OXR1: variants seen among roughly 807,000 people sequenced by gnomAD.
OXR1 encodes oxidation resistance protein 1.
In OXR1, 41 loss-of-function variants were observed where a neutral mutation model predicts 104.6. The observed-to-expected ratio is 0.39, with a 90% CI of 0.31 to 0.51. The LOEUF (loss-of-function observed/expected upper bound fraction) is 0.51, where lower values mean the gene tolerates loss of function less well. OXR1 is among the 20% of genes least tolerant of loss of function. OXR1 has a pLI of 0.77. For missense variants in OXR1, 955 were observed against 1,031.9 expected (o/e 0.93, Z 1.02); for synonymous variants, 348 against 348.4 (o/e 1.00, Z 0.01).
At chr8:106,321,107 A>G (rs529703069) in intron 1 of OXR1, among the ~76,000 whole-genome samples, 5 of 152,338 alleles carry the variant, frequency 3.3e-5, no homozygotes, top group Admixed American at 3.3e-4. Context: ...TTTCAAATCT[A>G]TTATAGGAAC....
At chr8:106,379,039 G>C (rs10090538) in intron 2 of OXR1, among the ~76,000 whole-genome samples, 1 of 152,100 alleles carries the variant, frequency 6.6e-6, no homozygotes, top group Non-Finnish European at 1.5e-5. Flanking sequence ...TAAGTTAGCC[G>C]TAATTATGAC....
At chr8:106,270,557 G>A (rs974226034) in intron 1 of OXR1, among the ~76,000 whole-genome samples, 190 bp downstream of exon 1, 1 of 152,162 alleles carries the variant, frequency 6.6e-6, no homozygotes, top group Non-Finnish European at 1.5e-5. Flanking sequence ...CGGGGACGAC[G>A]GGCAGAGCAG....
intron 1 of OXR1, among the ~76,000 whole-genome samples, chr8:106,310,662 G>A (rs1813663967): frequency 6.6e-6 from 1 of 152,170 alleles, no homozygotes; most frequent in African/African-American, 2.4e-5. Flanking sequence ...TCTCACATTT[G>A]ATTGATAGTA....
intron 2 of OXR1, among the ~76,000 whole-genome samples, chr8:106,388,381 T>C (rs1817461079): frequency 6.6e-6 from 1 of 152,150 alleles, no homozygotes; most frequent in Non-Finnish European, 1.5e-5. Context: ...AATACTGCTC[T>C]TATGCCATTT....
intron 3 of OXR1, among the ~76,000 whole-genome samples, chr8:106,550,765 A>G (rs1298119645): frequency 6.6e-6 from 1 of 152,100 alleles, no homozygotes; most frequent in East Asian, 1.9e-4. Context: ...GCCACATGGA[A>G]CTGTGAGTCA....
rs545013750 is a variant in OXR1 at position 106,532,017 on chromosome 8, T to G, written c.220+12878T>G. ...GGTAAACCTCAATTCAGTGGACAATTTTAAGAATGCTTACTCATTCATTTA... is the reference window on the plus strand; with the variant it reads ...GGTAAACCTCAATTCAGTGGACAATGTTAAGAATGCTTACTCATTCATTTA... On this transcript the variant is annotated intron_variant, in intron 3 of 16. Coordinates refer to ENST00000517566, the MANE Select transcript of OXR1 (RefSeq NM_001198533.2). 8.5e-4 allele frequency among the ~76,000 whole-genome samples: 129 copies of G among 152,314 alleles called. 1 individual carries two copies. The highest frequency in any genetic ancestry group is 3.0e-3 in the African/African-American group (123 of 41,566).
chr8:106,670,505 A>G (rs1826832253), intron 3 of OXR1, among the ~76,000 whole-genome samples: 1 of 152,208 alleles, frequency 6.6e-6, no homozygotes, highest in African/African-American at 2.4e-5. Context: ...TAGTTATCAG[A>G]TTTAAAATAG....
chr8:106,305,196 T>G (rs934010614), intron 1 of OXR1, among the ~76,000 whole-genome samples: 6 of 152,152 alleles, frequency 3.9e-5, no homozygotes, highest in Admixed American at 3.3e-4. Context: ...CAATGAATTG[T>G]ATTTTCATCA....
At chr8:106,285,999 G>T (rs1812486186) in intron 1 of OXR1, among the ~76,000 whole-genome samples, 1 of 146,246 alleles carries the variant, frequency 6.8e-6, no homozygotes. Context: ...GGTAGATGTG[G>T]GGCTAATGTG....
chr8:106,282,454 C>A (rs572261572), intron 1 of OXR1, among the ~76,000 whole-genome samples: 1 of 152,234 alleles, frequency 6.6e-6, no homozygotes, highest in Non-Finnish European at 1.5e-5. Flanking sequence ...ATGGTGCTGA[C>A]CTGCCCCACA....
chr8:106,470,206 G>GA (rs1157297402), intron 2 of OXR1, among the ~76,000 whole-genome samples: 2 of 151,788 alleles, frequency 1.3e-5, no homozygotes, highest in African/African-American at 4.8e-5. Context: ...ACTTTGAGCA[G>GA]AAGACATCAT....
intron 2 of OXR1, among the ~76,000 whole-genome samples, chr8:106,412,450 A>G (rs1188905297): frequency 3.9e-5 from 6 of 152,186 alleles, no homozygotes; most frequent in Non-Finnish European, 5.9e-5. Flanking sequence ...AATTGTCACC[A>G]TAATAACAGT....
intron 1 of OXR1, among the ~76,000 whole-genome samples, chr8:106,332,642 G>T (rs1008294620): frequency 6.6e-6 from 1 of 152,092 alleles, no homozygotes; most frequent in Non-Finnish European, 1.5e-5. Flanking sequence ...CTTATAAAGT[G>T]ATTTCTTTAT....
intron 1 of OXR1, among the ~76,000 whole-genome samples, chr8:106,294,356 A>C (rs1812890079): frequency 6.9e-6 from 1 of 144,236 alleles, no homozygotes; most frequent in Admixed American, 7.3e-5. Flanking sequence ...GAGATGCACC[A>C]TTGCACTCCA....
chr8:106,660,753 C>T (rs1409265016), intron 3 of OXR1, among the ~76,000 whole-genome samples: 1 of 152,122 alleles, frequency 6.6e-6, no homozygotes, highest in Admixed American at 6.5e-5. Flanking sequence ...TGGCTCACGT[C>T]GGTAATCCCA....
intron 3 of OXR1, among the ~76,000 whole-genome samples, chr8:106,546,917 G>A (rs1265196557): frequency 6.6e-6 from 1 of 152,110 alleles, no homozygotes; most frequent in African/African-American, 2.4e-5. Flanking sequence ...TTTTTAGACG[G>A]AGTCTCACTA....
intron 3 of OXR1, among the ~76,000 whole-genome samples, chr8:106,658,373 A>AG (rs1825381814): frequency 6.6e-6 from 1 of 152,060 alleles, no homozygotes; most frequent in South Asian, 2.1e-4. Flanking sequence ...GGCTCTGGGG[A>AG]GGGAAGACTT....
intron 2 of OXR1, among the ~76,000 whole-genome samples, chr8:106,505,011 G>T (rs992069568): frequency 6.6e-6 from 1 of 152,152 alleles, no homozygotes; most frequent in Non-Finnish European, 1.5e-5. Flanking sequence ...ATGTTTAAAA[G>T]AATCTTCTAC....
At chr8:106,330,660 G>A (rs1814675611) in intron 1 of OXR1, among the ~76,000 whole-genome samples, 2 of 152,130 alleles carry the variant, frequency 1.3e-5, no homozygotes, top group Non-Finnish European at 2.9e-5. Flanking sequence ...ATTATGACTT[G>A]TCTTCTTAAG....
Sources: gnomAD v4.1 joint callset for allele counts (sites outside exome capture counted in the v4.1 genomes callset) on GRCh38, gnomAD v4.1.1 for gene constraint, MANE v1.5 for transcripts, NCBI Gene and HGNC (gene_info 2026-07-23, HGNC 2026-07-21) for gene names.